NRXN3: variants seen among roughly 807,000 people sequenced by gnomAD.
The protein encoded by NRXN3 is neurexin 3.
A neutral mutation model predicts 137.6 loss-of-function variants in NRXN3; 32 were observed. The observed-to-expected ratio is 0.23, with a 90% confidence interval of 0.18 to 0.31. The LOEUF (loss-of-function observed/expected upper bound fraction) is 0.31. Ranked by LOEUF, NRXN3 falls within the 10% of genes least tolerant of loss-of-function variation. The pLI is 1.00. For missense variants in NRXN3, 1,574 were observed against 2,062.5 expected (o/e 0.76, Z 4.59); for synonymous variants, 798 against 784.5 (o/e 1.02, Z -0.29).
intron 15 of NRXN3, among the ~76,000 whole-genome samples, chr14:79,085,954 A>C (rs964170922): frequency 6.6e-6 from 1 of 152,164 alleles, no homozygotes; most frequent in Non-Finnish European, 1.5e-5. Context: ...TCAGCAAAAA[A>C]GTTCATGTTC....
At chr14:78,295,574 A>G (rs570384681) in intron 3 of NRXN3, among the ~76,000 whole-genome samples, 1 of 152,262 alleles carries the variant, frequency 6.6e-6, no homozygotes, top group South Asian at 2.1e-4. Context: ...CCAAAATTTG[A>G]TTTATATGCC....
At chr14:79,637,726 G>GTTATTTT (rs1447669099) in intron 16 of NRXN3, among the ~76,000 whole-genome samples, 1 of 93,000 alleles carries the variant, frequency 1.1e-5, no homozygotes, top group African/African-American at 8.6e-5. Context: ...ATATAGAAAA[G>GTTATTTT]TTCTTTTTTT....
chr14:78,987,960 A>G, intron 14 of NRXN3, 62 bp from the exon 15 acceptor site: 1 of 1,544,732 alleles, frequency 6.5e-7, no homozygotes, highest in Non-Finnish European at 8.7e-7. Context: ...CTTGAATCTA[A>G]TTTTTAACAT....
chr14:79,756,708 A>C (rs1004727711), intron 19 of NRXN3, among the ~76,000 whole-genome samples: 1 of 152,168 alleles, frequency 6.6e-6, no homozygotes, highest in African/African-American at 2.4e-5. Flanking sequence ...GCATCCAGTC[A>C]AAGTGCTCCC....
chr14:78,690,428 A>T (rs938601741), intron 6 of NRXN3, among the ~76,000 whole-genome samples: 9 of 152,200 alleles, frequency 5.9e-5, no homozygotes, highest in Non-Finnish European at 1.3e-4. Context: ...TACATGGAGT[A>T]TCCCTTACAT....
At chr14:78,424,771 A>G (rs1436004266) in intron 4 of NRXN3, among the ~76,000 whole-genome samples, 1 of 152,242 alleles carries the variant, frequency 6.6e-6, no homozygotes. Context: ...GCACGGTCCC[A>G]GTCCTTCCAA....
At chr14:79,186,696 C>T (rs1172233443) in intron 15 of NRXN3, among the ~76,000 whole-genome samples, 1 of 152,030 alleles carries the variant, frequency 6.6e-6, no homozygotes, top group African/African-American at 2.4e-5. Context: ...GGATGACCTC[C>T]CAAGAAGGGC....
At chr14:78,655,395 T>A (rs2097776638) in intron 6 of NRXN3, among the ~76,000 whole-genome samples, 1 of 152,166 alleles carries the variant, frequency 6.6e-6, no homozygotes, top group African/African-American at 2.4e-5. Flanking sequence ...ACACATGGAA[T>A]CTCTATATTT....
At chr14:79,550,820 G>A (rs559731083) in intron 16 of NRXN3, among the ~76,000 whole-genome samples, 71 of 152,266 alleles carry the variant, frequency 4.7e-4, no homozygotes, top group African/African-American at 1.7e-3. Flanking sequence ...CTAAAACAAG[G>A]AGTAATCATT....
chr14:78,548,242 A>ACTTTGAT (rs113052595), intron 4 of NRXN3, among the ~76,000 whole-genome samples: 33,656 of 152,050 alleles, frequency 0.22, 4,105 homozygotes, highest in Middle Eastern at 0.32. Flanking sequence ...TGAATAAGAT[A>ACTTTGAT]CTTTGATAAG....
intron 20 of NRXN3, among the ~76,000 whole-genome samples, chr14:79,836,069 G>T (rs1360571381): frequency 6.6e-6 from 1 of 152,072 alleles, no homozygotes; most frequent in African/African-American, 2.4e-5. Context: ...GCATCATTAG[G>T]GTACAATGTT....
intron 2 of NRXN3, among the ~76,000 whole-genome samples, chr14:78,267,753 G>T (rs567053443): frequency 2.0e-5 from 3 of 152,132 alleles, no homozygotes; most frequent in Admixed American, 2.0e-4. Flanking sequence ...ACTTTGAAGC[G>T]TTCTCTGTCA....
At chr14:79,477,524 T>A (rs1253925951) in intron 16 of NRXN3, among the ~76,000 whole-genome samples, 2 of 152,130 alleles carry the variant, frequency 1.3e-5, no homozygotes, top group Non-Finnish European at 2.9e-5. Flanking sequence ...ATAGCCATGT[T>A]CTTGTGTTTT....
At chr14:78,340,806 G>A (rs989261511) in intron 4 of NRXN3, among the ~76,000 whole-genome samples, 1 of 152,214 alleles carries the variant, frequency 6.6e-6, no homozygotes, top group Non-Finnish European at 1.5e-5. Context: ...TTCATGGAGA[G>A]GAGAAATAGA....
rs140137973 is a variant in NRXN3, at chr14:78,904,028, C to A, written c.2276-53214C>A. Among the ~76,000 whole-genome samples, 23 of 152,152 alleles carry A rather than the reference C, an allele frequency of 1.5e-4. No individual in the cohort carries two copies. The East Asian group carries it at 4.1e-3, about 27-fold the overall frequency. On this transcript the variant is annotated intron_variant, in intron 10 of 20. Coordinates refer to ENST00000335750, the MANE Select transcript of NRXN3 (RefSeq NM_001330195.2). ...CACACACTGTCACACCTTATCCTCA[C>A]CATCACAGTATGACATTAGGACAAT...
chr14:79,529,852 A>G (rs541621909), intron 16 of NRXN3, among the ~76,000 whole-genome samples: 1 of 152,322 alleles, frequency 6.6e-6, no homozygotes, highest in Admixed American at 6.5e-5. Flanking sequence ...GTAATTTGTC[A>G]GCTTGCAGAA....
intron 10 of NRXN3, among the ~76,000 whole-genome samples, chr14:78,928,669 G>C (rs921554892): frequency 6.6e-6 from 1 of 152,032 alleles, no homozygotes; most frequent in African/African-American, 2.4e-5. Context: ...CATGGTGTTT[G>C]TGTGCCACAT....
intron 15 of NRXN3, among the ~76,000 whole-genome samples, chr14:79,231,789 A>G (rs1216215709): frequency 1.3e-5 from 2 of 152,312 alleles, no homozygotes; most frequent in East Asian, 3.9e-4. Flanking sequence ...CTTTTAAAGC[A>G]TAAGTCAGCA....
chr14:79,054,081 G>T (rs918264561), intron 15 of NRXN3, among the ~76,000 whole-genome samples: 2 of 146,198 alleles, frequency 1.4e-5, no homozygotes, highest in African/African-American at 5.1e-5. Flanking sequence ...AACACCGCAT[G>T]TTCTCACTCA....
Sources: allele counts gnomAD v4.1 joint callset (sites outside exome capture counted in the v4.1 genomes callset), GRCh38; gene constraint gnomAD v4.1.1; transcripts MANE v1.5; gene names NCBI Gene and HGNC (gene_info 2026-07-23, HGNC 2026-07-21).